ADAMTS19: variants seen among roughly 807,000 people sequenced by gnomAD.
The protein encoded by ADAMTS19 is A disintegrin and metalloproteinase with thrombospondin motifs 19.
A neutral mutation model predicts 153.3 loss-of-function variants in ADAMTS19; 93 were observed. The observed-to-expected ratio is 0.61, with a 90% CI of 0.51 to 0.72. The LOEUF (loss-of-function observed/expected upper bound fraction) is 0.72. Among genes scored for constraint, ADAMTS19 ranks in the 30% least tolerant of loss-of-function variants. The pLI is 0.00. For missense variants in ADAMTS19, 1,482 were observed against 1,552.1 expected (o/e 0.95, Z 0.76); for synonymous variants, 600 against 556.6 (o/e 1.08, Z -1.10).
intron 3 of ADAMTS19, 67 bp from the exon 4 acceptor site, chr5:129,526,217 A>G: frequency 2.2e-6 from 3 of 1,339,688 alleles, no homozygotes; most frequent in Non-Finnish European, 3.0e-6. Context: ...CTCATTATTA[A>G]ATATGTTTAA....
chr5:129,714,439 A>AAG (rs1554109516), intron 21 of ADAMTS19, among the ~76,000 whole-genome samples: 2 of 151,128 alleles, frequency 1.3e-5, no homozygotes, highest in East Asian at 2.0e-4. Context: ...AAAAAAAAAA[A>AAG]AAAAGAAAAA....
chr5:129,472,443 C>T (rs1035953830), intron 2 of ADAMTS19, among the ~76,000 whole-genome samples: 2 of 152,164 alleles, frequency 1.3e-5, no homozygotes, highest in Admixed American at 6.5e-5. Context: ...AAATTAGATA[C>T]GTCCTGTCCT....
chr5:129,735,015 T>C lies in ADAMTS19; in HGVS notation c.3396T>C (p.Cys1132=), dbSNP rs753482850. Residue 1132 remains cysteine (C), a synonymous_variant, in exon 22 of 23, where the codon TGT becomes TGC. Coordinates refer to ENST00000274487, the MANE Select transcript of ADAMTS19 (RefSeq NM_133638.6). The stretch of plus-strand genomic sequence containing the variant: ...TCACAGGAAGACATGGAAATGAATG[T>C]TTTTCCTCAGAAAAACCTGCAGCAT... ...HKITGRHGNE[C]FSSEKPAAYR... The C allele has an allele frequency of 4.3e-6, 7 of 1,612,184 alleles. No homozygotes were observed. In the South Asian group the frequency reaches 7.7e-5, roughly 18 times the overall value.
intron 10 of ADAMTS19, among the ~76,000 whole-genome samples, chr5:129,627,592 A>T (rs1233351309): frequency 6.6e-6 from 1 of 151,302 alleles, no homozygotes; most frequent in East Asian, 1.9e-4. Context: ...GGAGGAACTT[A>T]AACAAATTTA....
chr5:129,655,807 G>C (rs917724865), intron 14 of ADAMTS19, among the ~76,000 whole-genome samples: 3 of 152,162 alleles, frequency 2.0e-5, no homozygotes, highest in Non-Finnish European at 1.5e-5. Flanking sequence ...TTTGCCAGTA[G>C]GCTATAAAGT....
At chr5:129,492,553 G>T (rs906739444) in intron 2 of ADAMTS19, among the ~76,000 whole-genome samples, 2 of 148,744 alleles carry the variant, frequency 1.3e-5, no homozygotes, top group African/African-American at 5.1e-5. Context: ...ATGTATGTAT[G>T]TGTGCGTGTA....
chr5:129,554,356 C>G (rs1363377966), intron 7 of ADAMTS19, among the ~76,000 whole-genome samples: 1 of 152,040 alleles, frequency 6.6e-6, no homozygotes, highest in African/African-American at 2.4e-5. Context: ...TAGTCTAGGC[C>G]TCTCATGGGG....
At chr5:129,595,889 G>T (rs1214145460) in intron 7 of ADAMTS19, among the ~76,000 whole-genome samples, 1 of 151,780 alleles carries the variant, frequency 6.6e-6, no homozygotes, top group East Asian at 1.9e-4. Context: ...GAATATCAAG[G>T]AGTTTAAATA....
intron 21 of ADAMTS19, among the ~76,000 whole-genome samples, chr5:129,726,998 G>A (rs1207689371): frequency 6.6e-6 from 1 of 152,116 alleles, no homozygotes; most frequent in Non-Finnish European, 1.5e-5. Context: ...CTCCAGACAT[G>A]GCACATTGGC....
chr5:129,645,310 A>T (rs1234971260), intron 11 of ADAMTS19, among the ~76,000 whole-genome samples: 2 of 152,218 alleles, frequency 1.3e-5, no homozygotes, highest in Non-Finnish European at 2.9e-5. Context: ...ATCCCTAATG[A>T]TATTTATGGA....
chr5:129,622,671 A>C (rs1455378440), intron 10 of ADAMTS19, among the ~76,000 whole-genome samples: 1 of 152,126 alleles, frequency 6.6e-6, no homozygotes, highest in East Asian at 1.9e-4. Flanking sequence ...CATTATCTGC[A>C]GGAATTGGTT....
chr5:129,574,487 T>G (rs753478314), intron 7 of ADAMTS19, among the ~76,000 whole-genome samples: 1 of 151,978 alleles, frequency 6.6e-6, no homozygotes, highest in Non-Finnish European at 1.5e-5. Context: ...GTGTTCTCAT[T>G]GTTCAACACC....
In ADAMTS19 at chr5:129,658,343, A is replaced by AAGAAAGAGAGAGAGAGAGAGAGAG. The variant is rs1259612364; in HGVS notation, c.2305-267_2305-266insGAGAGAGAGAGAGAGAGAGAAAGA. On this transcript the variant is annotated intron_variant, in intron 14 of 22. Coordinates refer to ENST00000274487, the MANE Select transcript of ADAMTS19 (RefSeq NM_133638.6). ...AAAGAAAGAAAGAAAGAAAGAAAGA[A>AAGAAAGAGAGAGAGAGAGAGAGAG]AGAAAGAAAGAAAGAAAGAAAGAAA... is the stretch of plus-strand genomic sequence containing the variant. Among the ~76,000 whole-genome samples, 39 of 112,262 alleles carry AAGAAAGAGAGAGAGAGAGAGAGAG rather than the reference A, an allele frequency of 3.5e-4. 2 individuals carry two copies. Among genetic ancestry groups the AAGAAAGAGAGAGAGAGAGAGAGAG allele is most frequent in the African/African-American group, 1.5e-3 (38 of 24,662 alleles). The allele number at this position is 112,262 out of a possible 152,430, so 73.6% of individuals were successfully genotyped here.
At chr5:129,637,290 A>G (rs1362397834) in intron 10 of ADAMTS19, among the ~76,000 whole-genome samples, 1 of 152,224 alleles carries the variant, frequency 6.6e-6, no homozygotes, top group East Asian at 1.9e-4. Flanking sequence ...TAAGTTATTA[A>G]TGTGCCGAAG....
In ADAMTS19 at chr5:129,737,377, T is replaced by C; in HGVS notation, c.*159T>C. The stretch of plus-strand genomic sequence containing the variant: ...CAAACATCCAATGTGGTGCTTGTTT[T>C]GGTTACACAAACATTTTGATTTATA... On this transcript the variant is annotated 3_prime_UTR_variant, in exon 23 of 23. Transcript: ENST00000274487. 1 of 691,630 alleles carries C rather than the reference T, an allele frequency of 1.4e-6. No homozygotes were observed. The highest frequency in any genetic ancestry group is 2.1e-6 in the Non-Finnish European group (1 of 484,246). 42.8% of individuals were successfully genotyped at this position (691,630 alleles called of 1,614,324 possible).
chr5:129,516,784 A>G (rs1176287707), intron 3 of ADAMTS19, among the ~76,000 whole-genome samples: 3 of 143,800 alleles, frequency 2.1e-5, no homozygotes, highest in African/African-American at 7.7e-5. Flanking sequence ...TTTTATTTCA[A>G]TTTCATTTAT....
chr5:129,631,009 T>C (rs1195524111), intron 10 of ADAMTS19, among the ~76,000 whole-genome samples: 1 of 151,920 alleles, frequency 6.6e-6, no homozygotes, highest in Non-Finnish European at 1.5e-5. Context: ...GAAATGCAAA[T>C]TAAAACCATA....
At chr5:129,460,676 C>A in intron 1 of ADAMTS19, 194 bp downstream of exon 1, 1 of 632,152 alleles carries the variant, frequency 1.6e-6, no homozygotes, top group Non-Finnish European at 2.8e-6. Flanking sequence ...CTCGTTTTAA[C>A]CGTATGTGGA....
Position 129,460,414 on chromosome 5 carries a change from G to T in ADAMTS19, c.23G>T (p.Arg8Leu). MGKNREM[R>L]LTHICCCCLL... ...AGTATGGGGAAGAACCGCGAGATGC[G>T]CCTGACTCACATCTGCTGCTGCTGC... is the stretch of plus-strand genomic sequence containing the variant. Residue 8 changes from arginine to leucine, a missense_variant, in exon 1 of 23, where the codon CGC becomes CTC. Arg to Leu is a moderately radical substitution (Grantham distance 102, BLOSUM62 -2). This residue lies in a region of ADAMTS19 where 866 missense variants were observed against 827.7 expected (regional missense o/e 1.05). Coordinates refer to ENST00000274487, the MANE Select transcript of ADAMTS19 (RefSeq NM_133638.6). The T allele has an allele frequency of 6.2e-7, 1 of 1,614,046 alleles. No homozygotes were observed. The highest frequency in any genetic ancestry group is 8.5e-7 in the Non-Finnish European group (1 of 1,180,026).
Sources: gnomAD v4.1 joint callset for allele counts (sites outside exome capture counted in the v4.1 genomes callset) on GRCh38, gnomAD v4.1.1 for gene constraint, gnomAD v4.1.1 regional missense constraint, MANE v1.5 for transcripts, NCBI Gene and HGNC (gene_info 2026-07-23, HGNC 2026-07-21) for gene names.